SYCP2: variants seen among roughly 807,000 people sequenced by gnomAD.
SYCP2 encodes the protein synaptonemal complex protein 2.
A neutral mutation model predicts 211.3 loss-of-function variants in SYCP2; 55 were observed. The ratio of observed to expected loss-of-function variants is 0.26; its 90% CI spans 0.21 to 0.33. The LOEUF is 0.33. Among genes scored for constraint, SYCP2 ranks in the 10% least tolerant of loss-of-function variants. The pLI is 1.00. For synonymous variants in SYCP2, 570 were observed against 555.2 expected (o/e 1.03, Z -0.37); for missense variants, 1,731 against 1,752.0 (o/e 0.99, Z 0.21).
At chr20:59,911,628 G>A (rs1197309326) in intron 14 of SYCP2, 122 bp downstream of exon 14, 4 of 417,932 alleles carry the variant, frequency 9.6e-6, no homozygotes, top group South Asian at 1.1e-4. Flanking sequence ...AACTACTAGA[G>A]CTAATATTAA....
intron 30 of SYCP2, among the ~76,000 whole-genome samples, 169 bp downstream of exon 30, chr20:59,880,797 A>G (rs1480543605): frequency 6.6e-6 from 1 of 151,774 alleles, no homozygotes; most frequent in Non-Finnish European, 1.5e-5. Flanking sequence ...CTTTTATTAG[A>G]TGATTACAAA....
At chr20:59,870,287 T>C (rs528680070) in intron 35 of SYCP2, among the ~76,000 whole-genome samples, 6 of 151,912 alleles carry the variant, frequency 3.9e-5, no homozygotes, top group East Asian at 1.9e-4. Context: ...CTAATCTTCA[T>C]GTGTAACAGT....
intron 26 of SYCP2, 122 bp from the exon 27 acceptor site, chr20:59,882,287 C>A: frequency 1.3e-6 from 1 of 747,230 alleles, no homozygotes; most frequent in South Asian, 1.8e-5. Context: ...GTTAAAATGG[C>A]TTGTACCAAA....
At chr20:59,880,693 T>C (rs560470328) in intron 30 of SYCP2, among the ~76,000 whole-genome samples, 13 of 151,928 alleles carry the variant, frequency 8.6e-5, no homozygotes, top group African/African-American at 3.1e-4. Context: ...ATTTTGGTGT[T>C]GATGTTGTTA....
At chr20:59,873,753 C>T in intron 35 of SYCP2, 103 bp downstream of exon 35, 2 of 1,053,888 alleles carry the variant, frequency 1.9e-6, no homozygotes, top group Non-Finnish European at 2.7e-6. Flanking sequence ...AAACCCAAAA[C>T]CTTAAATAGA....
chr20:59,867,992 T>A (rs1233763120), intron 38 of SYCP2, 145 bp from the exon 39 acceptor site: 1 of 610,202 alleles, frequency 1.6e-6, no homozygotes, highest in African/African-American at 1.9e-5. Context: ...AAGAGTTCCT[T>A]ATGTTTTTTT....
intron 24 of SYCP2, among the ~76,000 whole-genome samples, chr20:59,887,954 C>G (rs2059827281): frequency 6.6e-6 from 1 of 152,004 alleles, no homozygotes; most frequent in Non-Finnish European, 1.5e-5. Flanking sequence ...AAGACACAAT[C>G]TACCAAAACC....
chr20:59,881,544 G>GA (rs141269569), intron 28 of SYCP2, 52 bp from the exon 29 acceptor site: 20,155 of 878,626 alleles, frequency 0.023, 285 homozygotes, highest in Middle Eastern at 0.038. Context: ...AAATAAAAAA[G>GA]ATTAAAAGGA....
In SYCP2 at chr20:59,869,904, T is replaced by C. The variant is rs765145557; in HGVS notation, c.3635A>G (p.Gln1212Arg). ...TACATCTGAATAGCTGTTACTGTTT[T>C]GTGTTTCTTGTGTAAGTACCAGAGA... ...ISSLVLTQET[Q>R]NSNSYSDVSS... The change falls in exon 36 of 45, where the codon CAA becomes CGA. Residue 1212 changes from glutamine to arginine, a missense_variant. Gln to Arg is a conservative substitution (Grantham distance 43). Around this residue, in one of 3 missense-constraint regions of SYCP2, gnomAD observed 1,387 missense variants for 1,351.3 expected, o/e 1.03. Transcript: ENST00000357552. 2.1e-5 allele frequency: 33 copies of C among 1,605,632 alleles called. No homozygotes were observed. Among genetic ancestry groups the C allele is most frequent in the Non-Finnish European group, 2.6e-5 (31 of 1,173,792 alleles).
In SYCP2 at chr20:59,869,992, G is replaced by GAA; in HGVS notation, c.3556-11_3556-10dup. On this transcript the variant is annotated splice_polypyrimidine_tract_variant and intron_variant, in intron 35 of 44. Coordinates refer to ENST00000357552, the MANE Select transcript of SYCP2 (RefSeq NM_014258.4). ...GTTGGAGTATGTCTGGGCTATGAAT[G>GAA]AAGACATACAAAAACCCAATAAGAA... The GAA allele has an allele frequency of 6.5e-7, 1 of 1,543,436 alleles. No homozygotes were observed. Among genetic ancestry groups the GAA allele is most frequent in the Non-Finnish European group, 8.8e-7 (1 of 1,140,156 alleles).
rs756132389 is a variant in SYCP2 at position 59,892,468 on chromosome 20, A to G, written c.1928-42T>C. On this transcript the variant is annotated intron_variant, in intron 23 of 44. Transcript: ENST00000357552. The stretch of plus-strand genomic sequence containing the variant: ...GAAATTAATTCTTTTTAAATTAATA[A>G]GTTGACATATGTAAAATTTGTTAAA... 2.5e-5 allele frequency: 37 copies of G among 1,459,090 alleles called. No individual in the cohort carries two copies. In the Middle Eastern group the frequency reaches 5.5e-4, roughly 22 times the overall value. The allele number at this position is 1,459,090 out of a possible 1,614,324, so 90.4% of individuals were successfully genotyped here.
intron 2 of SYCP2, among the ~76,000 whole-genome samples, chr20:59,931,501 A>G (rs1184804767): frequency 6.6e-6 from 1 of 152,222 alleles, no homozygotes; most frequent in Admixed American, 6.5e-5. Flanking sequence ...ACTTGATTTA[A>G]AACTTTAAAT....
At chr20:59,920,549 T>C (rs543083906) in intron 4 of SYCP2, 62 bp from the exon 5 acceptor site, 3 of 1,307,422 alleles carry the variant, frequency 2.3e-6, no homozygotes, top group East Asian at 2.5e-5. Context: ...ATAGACATTG[T>C]ACAAGGAGTG....
rs2145701266 is a variant in SYCP2 at position 59,886,104 on chromosome 20, A to C, written c.2493-140T>G. 1.3e-5 allele frequency: 8 copies of C among 625,134 alleles called. No homozygotes were observed. In the South Asian group the frequency reaches 1.5e-4, roughly 12 times the overall value. The allele number at this position is 625,134 out of a possible 1,614,324, so 38.7% of individuals were successfully genotyped here. A position where few individuals can be genotyped will look rare whatever the true frequency, so the allele number is the denominator to read the frequency against. On this transcript the variant is annotated intron_variant, in intron 25 of 44. Transcript: ENST00000357552. ...CAAAATGTAACAGTAATAGTCTGAT[A>C]GTTTTGCTACTTCACTCACAGTAAA...
chr20:59,876,797 AAT>A (rs1328924714), intron 33 of SYCP2, among the ~76,000 whole-genome samples: 3 of 152,206 alleles, frequency 2.0e-5, no homozygotes, highest in Non-Finnish European at 2.9e-5. Flanking sequence ...CTAAAATAGT[AAT>A]ATAAGTATAT....
In SYCP2 at chr20:59,895,424, A is replaced by G; in HGVS notation, c.1665+13T>C. 1 of 1,572,932 alleles carries G rather than the reference A, an allele frequency of 6.4e-7. No individual in the cohort carries two copies. The highest frequency in any genetic ancestry group is 8.6e-7 in the Non-Finnish European group (1 of 1,161,522). On this transcript the variant is annotated intron_variant, in intron 20 of 44. Transcript: ENST00000357552. ...GAAAAAATATTTTTAAAATACTTTC[A>G]AGGTAAAGTTACTTTGTCTATATTA...
At chr20:59,909,776 C>T (rs368243056) in intron 14 of SYCP2, among the ~76,000 whole-genome samples, 9 of 152,162 alleles carry the variant, frequency 5.9e-5, no homozygotes, top group East Asian at 5.8e-4. Flanking sequence ...ATACTCTATG[C>T]GGGAAAGCAG....
chr20:59,907,242 G>T, intron 15 of SYCP2, 122 bp downstream of exon 15: 1 of 669,308 alleles, frequency 1.5e-6, no homozygotes, highest in Non-Finnish European at 2.6e-6. Flanking sequence ...ATTTCTGAAT[G>T]TGAACCTCTG....
At chr20:59,914,371 T>C (rs928959510) in intron 10 of SYCP2, 120 bp from the exon 11 acceptor site, 31 of 486,198 alleles carry the variant, frequency 6.4e-5, no homozygotes, top group African/African-American at 5.7e-4. Context: ...ATGTAATTGA[T>C]TAATCTATTA....
Sources: allele counts gnomAD v4.1 joint callset (sites outside exome capture counted in the v4.1 genomes callset), GRCh38; gene constraint gnomAD v4.1.1; regional missense constraint gnomAD v4.1.1; transcripts MANE v1.5; gene names NCBI Gene and HGNC (gene_info 2026-07-23, HGNC 2026-07-21).